The following IDNK variants were observed in gnomAD, a reference collection of about 807,000 sequenced individuals.
IDNK encodes the protein IDNK gluconokinase, also known as gluconokinase.
Under a neutral mutation model 13.0 loss-of-function variants are expected in IDNK, and 9 were observed. The ratio of observed to expected loss-of-function variants is 0.69; its 90% CI spans 0.42 to 1.21. The LOEUF is 1.21. Ranked by LOEUF, IDNK falls within the 50% of genes most tolerant of loss-of-function variation. IDNK has a pLI of 0.00. For synonymous variants in IDNK, 92 were observed against 94.9 expected (o/e 0.97, Z 0.18); for missense variants, 210 against 237.8 (o/e 0.88, Z 0.77).
At chr9:83,625,988 A>G (rs571883680) in intron 1 of IDNK, among the ~76,000 whole-genome samples, 2 of 152,336 alleles carry the variant, frequency 1.3e-5, no homozygotes, top group Non-Finnish European at 1.5e-5. Flanking sequence ...TATTTTCACA[A>G]TCTTAATGAA....
intron 3 of IDNK, among the ~76,000 whole-genome samples, chr9:83,635,332 G>A (rs961809247): frequency 1.3e-5 from 2 of 152,238 alleles, no homozygotes; most frequent in African/African-American, 4.8e-5. Context: ...CACATTTTCA[G>A]AAACCAACAT....
intron 3 of IDNK, among the ~76,000 whole-genome samples, chr9:83,639,775 AAGC>A (rs1273585782): frequency 6.6e-6 from 1 of 152,240 alleles, no homozygotes; most frequent in East Asian, 1.9e-4. Flanking sequence ...CATTTGGCTT[AAGC>A]AGCAGAAGGT....
chr9:83,631,860 C>G (rs1831025722), intron 3 of IDNK, among the ~76,000 whole-genome samples: 1 of 152,130 alleles, frequency 6.6e-6, no homozygotes, highest in South Asian at 2.1e-4. Flanking sequence ...AGCCACCAGT[C>G]AGTGAGTCTC....
intron 2 of IDNK, 80 bp from the exon 3 acceptor site, chr9:83,628,793 C>A: frequency 1.0e-6 from 1 of 995,684 alleles, no homozygotes; most frequent in Non-Finnish European, 1.6e-6. Context: ...GTTTCTACAC[C>A]TGCCTGTTAG....
intron 1 of IDNK, 62 bp downstream of exon 1, chr9:83,623,283 A>G: frequency 7.5e-7 from 1 of 1,327,306 alleles, no homozygotes; most frequent in Non-Finnish European, 9.8e-7. Flanking sequence ...CGGAGGCCGG[A>G]CGCGTCGCCG....
At chr9:83,628,087 A>G in intron 1 of IDNK, 94 bp from the exon 2 acceptor site, 1 of 1,539,146 alleles carries the variant, frequency 6.5e-7, no homozygotes, top group East Asian at 2.5e-5. Flanking sequence ...AATTCCTGCT[A>G]AGGCAGCCAT....
At chr9:83,640,305 A>C (rs1831269060) in intron 3 of IDNK, among the ~76,000 whole-genome samples, 1 of 152,224 alleles carries the variant, frequency 6.6e-6, no homozygotes, top group Non-Finnish European at 1.5e-5. Flanking sequence ...TCATTTTATA[A>C]AGCTAGTAAA....
chr9:83,628,121 A>G (rs926125209), intron 1 of IDNK, 60 bp from the exon 2 acceptor site: 8 of 1,549,178 alleles, frequency 5.2e-6, no homozygotes, highest in African/African-American at 4.1e-5. Context: ...ATCCTTGCAC[A>G]GAAGGAAGCT....
intron 1 of IDNK, among the ~76,000 whole-genome samples, chr9:83,625,046 AC>A: frequency 6.6e-6 from 1 of 152,274 alleles, no homozygotes; most frequent in African/African-American, 2.4e-5. Flanking sequence ...GCAGGAAGGA[AC>A]CCATTGTGGC....
chr9:83,629,592 T>C (rs533440226), intron 3 of IDNK, among the ~76,000 whole-genome samples: 1 of 152,304 alleles, frequency 6.6e-6, no homozygotes, highest in South Asian at 2.1e-4. Context: ...TGTTCCCTTC[T>C]TCCCTGAGCT....
chr9:83,628,768 C>A, intron 2 of IDNK, 105 bp from the exon 3 acceptor site: 1 of 783,542 alleles, frequency 1.3e-6, no homozygotes, highest in South Asian at 1.5e-5. Context: ...TGATGGGAAC[C>A]AGGCGGGTGG....
At chr9:83,632,106 G>T (rs961372039) in intron 3 of IDNK, among the ~76,000 whole-genome samples, 14 of 151,904 alleles carry the variant, frequency 9.2e-5, no homozygotes, top group African/African-American at 2.7e-4. Context: ...TCTATGAATT[G>T]AATTTTGGAA....
At chr9:83,643,404 C>CTTTTTTTTTTTTTTTTT in intron 4 of IDNK, 25 bp from the exon 5 acceptor site, 1 of 1,362,726 alleles carries the variant, frequency 7.3e-7, no homozygotes, top group Non-Finnish European at 1.0e-6. Flanking sequence ...TAGCCTCCCT[C>CTTTTTTTTTTTTTTTTT]TTTTTTTTTT....
Position 83,628,193 on chromosome 9 carries a change from C to G in IDNK, c.63C>G (p.Gly21=), listed in dbSNP as rs539565282. The change falls in exon 2 of 5, where the codon GGC becomes GGG. Residue 21 remains glycine (G), a synonymous_variant. Coordinates refer to ENST00000376419, the MANE Select transcript of IDNK (RefSeq NM_001001551.4). ...GVSGSGKSTV[G]ALLASELGWK... is the part of the protein sequence containing the mutation. ...GTCCTCTCCACAGATCCACCGTGGG[C>G]GCCCTGCTGGCATCTGAGGTTAGTA... 1 of 1,550,376 alleles carries G rather than the reference C, an allele frequency of 6.5e-7. No individual in the cohort carries two copies. The highest frequency in any genetic ancestry group is 8.7e-7 in the Non-Finnish European group (1 of 1,146,916).
Position 83,631,471 on chromosome 9 carries a change from G to T in IDNK, c.168+2512G>T, listed in dbSNP as rs563820599. On this transcript the variant is annotated intron_variant, in intron 3 of 4. Transcript: ENST00000376419. ...AAACTGAAAAAAAAAAAAAAAAAAAGGCTGGTGGTGCATGCCTGTAGTCCC... is the reference window on the plus strand; with the variant it reads ...AAACTGAAAAAAAAAAAAAAAAAAATGCTGGTGGTGCATGCCTGTAGTCCC... Among the ~76,000 whole-genome samples the T allele has an allele frequency of 4.5e-4, 11 of 24,532 alleles. 1 individual carries two copies. Among genetic ancestry groups the T allele is most frequent in the East Asian group, 3.5e-3 (2 of 566 alleles). 16.1% of individuals were successfully genotyped at this position (24,532 alleles called of 152,430 possible).
chr9:83,626,166 A>T (rs1252977374), intron 1 of IDNK, among the ~76,000 whole-genome samples: 2 of 152,166 alleles, frequency 1.3e-5, no homozygotes, highest in African/African-American at 4.8e-5. Flanking sequence ...ACTGGGAGAC[A>T]TATGGACCCC....
In IDNK at chr9:83,628,937, A is replaced by G; in HGVS notation, c.146A>G (p.Lys49Arg). ...GAGGAAAATCGAAGGAAGATGGGAA[A>G]AGGCATACCGCTCAATGACCAGGTA... is the stretch of plus-strand genomic sequence containing the variant. ...HPEENRRKMG[K>R]GIPLNDQDRI... The change falls in exon 3 of 5, where the codon AAA becomes AGA. Residue 49 changes from lysine to arginine, a missense_variant. By Grantham distance (26) the Lys-to-Arg change is conservative (BLOSUM62 2). Transcript: ENST00000376419. 6.2e-7 allele frequency: 1 copy of G among 1,613,884 alleles called. No individual in the cohort carries two copies. The highest frequency in any genetic ancestry group is 1.1e-5 in the South Asian group (1 of 91,076).
chr9:83,630,092 G>A (rs1034074752), intron 3 of IDNK, among the ~76,000 whole-genome samples: 3 of 152,214 alleles, frequency 2.0e-5, no homozygotes, highest in Non-Finnish European at 2.9e-5. Context: ...CAGTGGGGCT[G>A]GGCTCACCCC....
intron 3 of IDNK, among the ~76,000 whole-genome samples, chr9:83,637,330 T>C (rs1432048264): frequency 6.6e-6 from 1 of 152,254 alleles, no homozygotes; most frequent in African/African-American, 2.4e-5. Context: ...GTATTTGATA[T>C]GAAGAAAAAG....
Sources: allele counts gnomAD v4.1 joint callset (sites outside exome capture counted in the v4.1 genomes callset), GRCh38; gene constraint gnomAD v4.1.1; transcripts MANE v1.5; gene names NCBI Gene and HGNC (gene_info 2026-07-23, HGNC 2026-07-21).